RAMP1: variants seen among roughly 807,000 people sequenced by gnomAD.
RAMP1 encodes receptor activity-modifying protein 1.
In RAMP1, 7 loss-of-function variants were observed where a neutral mutation model predicts 8.2. The observed-to-expected ratio is 0.85, with a 90% confidence interval of 0.49 to 1.60. The LOEUF (loss-of-function observed/expected upper bound fraction) is 1.60, where lower values mean the gene tolerates loss of function less well. Among genes scored for constraint, RAMP1 ranks in the 40% most tolerant of loss-of-function variants. The pLI, the probability that RAMP1 is intolerant of heterozygous loss-of-function variation, is 0.00. For synonymous variants in RAMP1, 92 were observed against 84.7 expected (o/e 1.09, Z -0.47); for missense variants, 192 against 202.4 (o/e 0.95, Z 0.31).
Position 237,911,578 on chromosome 2 carries a change from G to A in RAMP1, c.242G>A (p.Gly81Asp). 1 of 1,614,158 alleles carries A rather than the reference G, an allele frequency of 6.2e-7. No homozygotes were observed. Among genetic ancestry groups the A allele is most frequent in the South Asian group, 1.1e-5 (1 of 91,088 alleles). The change falls in exon 3 of 3, where the codon GGC becomes GAC. Residue 81 changes from glycine (G) to aspartate (D), a missense_variant. Physicochemically the swap from Gly to Asp is moderately conservative, Grantham distance 94 (BLOSUM62 -1). Transcript: ENST00000254661. ...DCTWHMAEKL[G>D]CFWPNAEVDR... ...ACCTGGCACATGGCGGAGAAGCTGG[G>A]CTGCTTCTGGCCCAATGCAGAGGTG...
chr2:237,888,036 C>G (rs1430285961), intron 2 of RAMP1, among the ~76,000 whole-genome samples: 1 of 152,028 alleles, frequency 6.6e-6, no homozygotes. Context: ...GTAGCATGTA[C>G]CATGAACATT....
intron 2 of RAMP1, among the ~76,000 whole-genome samples, chr2:237,902,106 G>T (rs1043247232): frequency 2.6e-5 from 4 of 152,030 alleles, no homozygotes; most frequent in African/African-American, 9.7e-5. Context: ...GAACTCTCAG[G>T]TGCAGCCCAA....
At chr2:237,879,531 G>A (rs922239346) in intron 2 of RAMP1, among the ~76,000 whole-genome samples, 3 of 146,700 alleles carry the variant, frequency 2.0e-5, no homozygotes, top group African/African-American at 5.0e-5. Flanking sequence ...GGGCACATGT[G>A]CACAACGTGC....
At chr2:237,904,067 A>G (rs2062631617) in intron 2 of RAMP1, among the ~76,000 whole-genome samples, 1 of 152,214 alleles carries the variant, frequency 6.6e-6, no homozygotes, top group Non-Finnish European at 1.5e-5. Context: ...GAGGAGTGCC[A>G]TCTGGATGTT....
intron 1 of RAMP1, among the ~76,000 whole-genome samples, chr2:237,869,425 A>C (rs1277071303): frequency 6.6e-6 from 1 of 152,162 alleles, no homozygotes; most frequent in Non-Finnish European, 1.5e-5. Flanking sequence ...ACTCTGTCCC[A>C]GTTAAACACT....
chr2:237,876,810 G>T (rs180739105), intron 1 of RAMP1, among the ~76,000 whole-genome samples: 1 of 152,150 alleles, frequency 6.6e-6, no homozygotes, highest in African/African-American at 2.4e-5. Flanking sequence ...TTCATAGCCC[G>T]CAGATAGTCA....
upstream of RAMP1, chr2:237,859,589 C>T (rs571831311): frequency 9.9e-7 from 1 of 1,010,764 alleles, no homozygotes; most frequent in Non-Finnish European, 1.2e-6. Flanking sequence ...CCGCCCCCGG[C>T]GCGTCTCCTC....
chr2:237,896,422 T>A (rs2062542727), intron 2 of RAMP1, among the ~76,000 whole-genome samples: 1 of 152,028 alleles, frequency 6.6e-6, no homozygotes, highest in Non-Finnish European at 1.5e-5. Context: ...GGGGCCACCA[T>A]AGCAGGAGAA....
At chr2:237,859,102 G>C (rs552631213), upstream of RAMP1, 61 of 152,628 alleles carry the variant, frequency 4.0e-4, no homozygotes, top group African/African-American at 1.4e-3. Context: ...TCATCCTGCA[G>C]ATCTGGAGCA....
intron 2 of RAMP1, among the ~76,000 whole-genome samples, chr2:237,880,624 A>G (rs1335902212): frequency 6.6e-6 from 1 of 152,156 alleles, no homozygotes; most frequent in Non-Finnish European, 1.5e-5. Flanking sequence ...GTAAAACAAT[A>G]TTGTTTCAAA....
chr2:237,873,610 C>T (rs959901737), intron 1 of RAMP1, among the ~76,000 whole-genome samples: 30 of 152,316 alleles, frequency 2.0e-4, no homozygotes, highest in South Asian at 1.0e-3. Context: ...TGTCTTAACA[C>T]GCCGAGGGCT....
At position 237,911,535 on chromosome 2, in the gene RAMP1, A is replaced by G. The variant is rs762689722; in HGVS notation, c.199A>G (p.Arg67Gly). 24 of 1,613,944 alleles carry G rather than the reference A, an allele frequency of 1.5e-5. No homozygotes were observed. The highest frequency in any genetic ancestry group is 2.0e-5 in the Non-Finnish European group (24 of 1,179,958). The change falls in exon 3 of 3, where the codon AGG (arginine) becomes GGG (glycine). Residue 67 changes from arginine to glycine, a missense_variant. By Grantham distance (125) the Arg-to-Gly change is moderately radical. Transcript: ENST00000254661. ...CTCCTCTTCCATCCGCAGGAGCTAC[A>G]GGGAGCTGGCCGACTGCACCTGGCA... is the stretch of plus-strand genomic sequence containing the variant. ...CDWGRTIRSY[R>G]ELADCTWHMA... is the part of the protein sequence containing the mutation.
In RAMP1 at chr2:237,911,805, G is replaced by A; in HGVS notation, c.*22G>A. ...GTAGGCGGGGCCCAGGCTGCCCGCG[G>A]GTGCACCCAGGCTGCAGGGTGAGGC... is the stretch of plus-strand genomic sequence containing the variant. On this transcript the variant is annotated 3_prime_UTR_variant, in exon 3 of 3. Transcript: ENST00000254661. 6.4e-7 allele frequency: 1 copy of A among 1,572,410 alleles called. No homozygotes were observed. The highest frequency in any genetic ancestry group is 8.6e-7 in the Non-Finnish European group (1 of 1,157,348).
rs558365319 is a variant in RAMP1, at chr2:237,883,844, A to G, written c.191+6482A>G. On this transcript the variant is annotated intron_variant, in intron 2 of 2. Transcript: ENST00000254661. ...AAAAAAAAAAAAGAAAAGAAAAGAA[A>G]AAAAAAAAAGAGGCTCCTCCTCTGC... Among the ~76,000 whole-genome samples the G allele has an allele frequency of 7.3e-5, 11 of 150,314 alleles. No homozygotes were observed. In the East Asian group the frequency reaches 1.9e-3, roughly 26 times the overall value.
intron 2 of RAMP1, among the ~76,000 whole-genome samples, chr2:237,890,612 C>G (rs1018492389): frequency 2.6e-5 from 4 of 152,186 alleles, no homozygotes; most frequent in African/African-American, 9.6e-5. Context: ...CAGTTACTTC[C>G]TCCACTATTG....
chr2:237,912,069 TG>T lies in RAMP1; in HGVS notation c.*288del, dbSNP rs2062722040. On this transcript the variant is annotated 3_prime_UTR_variant, in exon 3 of 3. Transcript: ENST00000254661. ...ACTGCTTACCCCATAGCCACATTTGTGGATGAGTGGTTTGTGATTAAAAGGG... is the reference window on the plus strand; with the variant it reads ...ACTGCTTACCCCATAGCCACATTTGTGATGAGTGGTTTGTGATTAAAAGGG... The T allele has an allele frequency of 2.2e-6, 1 of 460,750 alleles. No homozygotes were observed. The allele number at this position is 460,750 out of a possible 1,614,324, so 28.5% of individuals were successfully genotyped here. A position where few individuals can be genotyped will look rare whatever the true frequency, so the allele number is the denominator to read the frequency against.
Position 237,877,943 on chromosome 2 carries a change from C to T in RAMP1, c.191+581C>T. ...GGGCTCCCTCATTGCCTCCCTCAGC[C>T]TCCTGGGTGCTGGGCCCCCATCAGC... On this transcript the variant is annotated intron_variant, in intron 2 of 2. Coordinates refer to ENST00000254661, the MANE Select transcript of RAMP1 (RefSeq NM_005855.4). The surrounding 1 kb of genome is among the most constrained non-coding windows in gnomAD (Gnocchi z 4.4). The T allele has an allele frequency of 1.0e-6, 1 of 985,462 alleles. No homozygotes were observed. Among genetic ancestry groups the T allele is most frequent in the Non-Finnish European group, 1.2e-6 (1 of 829,912 alleles). The allele number at this position is 985,462 out of a possible 1,614,324, so 61.0% of individuals were successfully genotyped here.
chr2:237,884,308 A>G (rs546905500), intron 2 of RAMP1, among the ~76,000 whole-genome samples: 2 of 152,274 alleles, frequency 1.3e-5, no homozygotes, highest in East Asian at 3.9e-4. Context: ...TGATGGAGGC[A>G]TAATGTGATT....
At chr2:237,892,184 C>T (rs1186497253) in intron 2 of RAMP1, among the ~76,000 whole-genome samples, 1 of 151,980 alleles carries the variant, frequency 6.6e-6, no homozygotes, top group African/African-American at 2.4e-5. Flanking sequence ...TCAGGCACTC[C>T]AATTTTTGTC....
Sources: gnomAD v4.1 joint callset for allele counts (sites outside exome capture counted in the v4.1 genomes callset) on GRCh38, gnomAD v4.1.1 for gene constraint, Gnocchi (gnomAD v3.1) non-coding constraint, MANE v1.5 for transcripts, NCBI Gene and HGNC (gene_info 2026-07-23, HGNC 2026-07-21) for gene names.